GJD4: variants seen among roughly 807,000 people sequenced by gnomAD.
GJD4 encodes the protein gap junction protein delta 4, also known as gap junction delta-4 protein.
GJD4 carries 18 observed loss-of-function variants against 17.9 expected under a neutral mutation model. The ratio of observed to expected loss-of-function variants is 1.00; its 90% CI spans 0.69 to 1.49. The LOEUF is 1.49. GJD4 is among the 40% of genes most tolerant of loss of function. GJD4 has a pLI of 0.00. For synonymous variants in GJD4, 293 were observed against 236.8 expected (o/e 1.24, Z -2.18); for missense variants, 639 against 506.9 (o/e 1.26, Z -2.50).
intron 1 of GJD4, chr10:35,606,952 C>T (rs989215160): frequency 1.3e-5 from 2 of 152,160 alleles, no homozygotes; most frequent in Non-Finnish European, 2.9e-5. Context: ...TAAATACAAG[C>T]CCTGTGATTA....
At chr10:35,607,436 G>A (rs1835468889) in intron 1 of GJD4, 142 bp from the exon 2 acceptor site, 1 of 664,032 alleles carries the variant, frequency 1.5e-6, no homozygotes, top group South Asian at 1.9e-5. Flanking sequence ...CAACAACAAC[G>A]ACAACACAAA....
Position 35,605,588 on chromosome 10 carries a change from AGG to A in GJD4, c.23_24del (p.Gly8ValfsTer244), listed in dbSNP as rs1234282763. 2.0e-5 allele frequency: 32 copies of A among 1,613,860 alleles called. No individual in the cohort carries two copies. In the African/African-American group the frequency reaches 3.6e-4, roughly 18 times the overall value. MEGVDLL[G>X]FLIITLNCNV... ...GAAGCATGGAAGGCGTGGACTTGCTAGGGTTTCTCATCATCACATTAAACTGC... is the reference window on the plus strand; with the variant it reads ...GAAGCATGGAAGGCGTGGACTTGCTAGTTTCTCATCATCACATTAAACTGC... On this transcript the variant is annotated frameshift_variant, in exon 1 of 2. Transcript: ENST00000321660. LOFTEE classifies it low-confidence loss of function (END_TRUNC).
downstream of GJD4, chr10:35,608,935 CAAA>C (rs3067572): frequency 3.0e-3 from 174 of 58,444 alleles, no homozygotes; most frequent in African/African-American, 7.7e-3. Flanking sequence ...GAGACCCTGT[CAAA>C]AAAAAAAAAA....
At position 35,608,058 on chromosome 10, in the gene GJD4, G is replaced by T; in HGVS notation, c.545G>T (p.Gly182Val). 1 of 1,610,244 alleles carries T rather than the reference G, an allele frequency of 6.2e-7. No individual in the cohort carries two copies. The change falls in exon 2 of 2, where the codon GGC becomes GTC. Residue 182 changes from glycine to valine, a missense_variant. Physicochemically the swap from Gly to Val is moderately radical, Grantham distance 109. Transcript: ENST00000321660. ...CCTTGCACGCGCCCTCCGTGCACGG[G>T]CGTGGTGGACTGCTACGTGTCGCGG... ...KFPCTRPPCT[G>V]VVDCYVSRPT...
chr10:35,607,376 A>G (rs993062102), intron 1 of GJD4: 11 of 586,190 alleles, frequency 1.9e-5, no homozygotes, highest in African/African-American at 3.7e-5. Context: ...ACTTGAGGCC[A>G]GGAGTTCAAG....
intron 1 of GJD4, 136 bp from the exon 2 acceptor site, chr10:35,607,442 A>G: frequency 3.0e-6 from 2 of 674,162 alleles, no homozygotes; most frequent in Non-Finnish European, 5.1e-6. Context: ...CAACGACAAC[A>G]CAAACAAACA....
rs758614704 is a variant in GJD4, at chr10:35,608,630, AAAC to A, written c.*6_*8del. 6.8e-7 allele frequency: 1 copy of A among 1,478,950 alleles called. No homozygotes were observed. Among genetic ancestry groups the A allele is most frequent in the Admixed American group, 2.6e-5 (1 of 37,860 alleles). 91.6% of individuals were successfully genotyped at this position (1,478,950 alleles called of 1,614,324 possible). A position where few individuals can be genotyped will look rare whatever the true frequency, so the allele number is the denominator to read the frequency against. ...CAGGAAGTCTGAGTGGGTGTGAAAA[AAAC>A]AGCACCTGGCGGTGCCCCGGGGCTC... On this transcript the variant is annotated 3_prime_UTR_variant, in exon 2 of 2. Coordinates refer to ENST00000321660, the MANE Select transcript of GJD4 (RefSeq NM_153368.3).
In GJD4 at chr10:35,608,801, A is replaced by C. The variant is rs1002046905; in HGVS notation, c.*175A>C. On this transcript the variant is annotated 3_prime_UTR_variant, in exon 2 of 2. Coordinates refer to ENST00000321660, the MANE Select transcript of GJD4 (RefSeq NM_153368.3). ...AAATATCTAAAAATTAGCTGGGCAC[A>C]GTGGCTCCCTCCTGTAGTCCCAGCT... The C allele has an allele frequency of 5.7e-6, 3 of 524,740 alleles. No individual in the cohort carries two copies. Among genetic ancestry groups the C allele is most frequent in the Middle Eastern group, 4.8e-4 (1 of 2,068 alleles). 32.5% of individuals were successfully genotyped at this position (524,740 alleles called of 1,614,324 possible). A position where few individuals can be genotyped will look rare whatever the true frequency, so the allele number is the denominator to read the frequency against.
chr10:35,607,485 T>C, intron 1 of GJD4, 93 bp from the exon 2 acceptor site: 2 of 801,866 alleles, frequency 2.5e-6, no homozygotes, highest in South Asian at 1.7e-5. Context: ...GACGTTTCAA[T>C]TTCCCAATCT....
In GJD4 at chr10:35,606,613, CTTTG is replaced by C. The variant is rs1422638282; in HGVS notation, c.65-960_65-957del. 3.3e-5 allele frequency: 5 copies of C among 152,064 alleles called. No homozygotes were observed. The East Asian group carries it at 5.8e-4, about 18-fold the overall frequency. 9.4% of individuals were successfully genotyped at this position (152,064 alleles called of 1,614,324 possible). On this transcript the variant is annotated intron_variant, in intron 1 of 1. Transcript: ENST00000321660. The stretch of plus-strand genomic sequence containing the variant: ...TGACTCATCACATAATGATATTATT[CTTTG>C]TTTGACTGTCTTTACATATTTATTT...
In GJD4 at chr10:35,607,639, A is replaced by G; in HGVS notation, c.126A>G (p.Arg42=). 1 of 1,614,066 alleles carries G rather than the reference A, an allele frequency of 6.2e-7. No individual in the cohort carries two copies. The highest frequency in any genetic ancestry group is 8.5e-7 in the Non-Finnish European group (1 of 1,180,006). ...TGCTGGTGATTGTCTTGGCGGGGCG[A>G]CCCGTCTACCAGGACGAGCAGGAGA... The part of the protein sequence containing the change: ...LRMLVIVLAG[R]PVYQDEQERF... Residue 42 remains arginine, a synonymous_variant, in exon 2 of 2, where the codon CGA becomes CGG. Coordinates refer to ENST00000321660, the MANE Select transcript of GJD4 (RefSeq NM_153368.3).
chr10:35,608,047 T>C lies in GJD4; in HGVS notation c.534T>C (p.Pro178=), dbSNP rs1464021739. 6.2e-7 allele frequency: 1 copy of C among 1,609,980 alleles called. No homozygotes were observed. Among genetic ancestry groups the C allele is most frequent in the Non-Finnish European group, 8.5e-7 (1 of 1,178,714 alleles). The change falls in exon 2 of 2, where the codon CCT becomes CCC. Residue 178 remains proline (P), a synonymous_variant. Coordinates refer to ENST00000321660, the MANE Select transcript of GJD4 (RefSeq NM_153368.3). The stretch of plus-strand genomic sequence containing the variant: ...CGAAGAAGTTCCCTTGCACGCGCCC[T>C]CCGTGCACGGGCGTGGTGGACTGCT... ...LAPKKFPCTR[P]PCTGVVDCYV...
At chr10:35,607,374 C>A in intron 1 of GJD4, 1 of 584,556 alleles carries the variant, frequency 1.7e-6, no homozygotes, top group Non-Finnish European at 3.0e-6. Flanking sequence ...GCACTTGAGG[C>A]CAGGAGTTCA....
chr10:35,608,082 G>A lies in GJD4; in HGVS notation c.569G>A (p.Arg190Gln), dbSNP rs148604965. ...CTGVVDCYVS[R>Q]PTEKSLLMLF... ...GGCGTGGTGGACTGCTACGTGTCGC[G>A]GCCCACAGAGAAGTCCCTGCTGATG... The change falls in exon 2 of 2, where the codon CGG (arginine) becomes CAG (glutamine). Residue 190 changes from arginine (R) to glutamine (Q), a missense_variant. Physicochemically the swap from Arg to Gln is conservative, Grantham distance 43 (BLOSUM62 1). Transcript: ENST00000321660. The A allele has an allele frequency of 3.1e-6, 5 of 1,608,124 alleles. No homozygotes were observed. The highest frequency in any genetic ancestry group is 4.2e-6 in the Non-Finnish European group (5 of 1,177,526).
intron 1 of GJD4, 101 bp from the exon 2 acceptor site, chr10:35,607,477 C>A: frequency 2.7e-6 from 2 of 737,934 alleles, no homozygotes. Context: ...TGCTTATTGA[C>A]GTTTCAATTT....
chr10:35,608,480 AG>A lies in GJD4; in HGVS notation c.971del (p.Gly324AlafsTer39), dbSNP rs1835494042. The A allele has an allele frequency of 6.5e-7, 1 of 1,548,876 alleles. No homozygotes were observed. Among genetic ancestry groups the A allele is most frequent in the African/African-American group, 1.4e-5 (1 of 72,856 alleles). On this transcript the variant is annotated frameshift_variant, in exon 2 of 2. Transcript: ENST00000321660. LOFTEE classifies it high-confidence loss of function. ...RPHREAAQDP[R>X]GSGSEEQPSA... ...CCACCGAGAGGCCGCCCAGGACCCCAGGGGCTCAGGATCCGAGGAGCAGCCC... is the reference window on the plus strand; with the variant it reads ...CCACCGAGAGGCCGCCCAGGACCCCAGGGCTCAGGATCCGAGGAGCAGCCC...
Position 35,607,726 on chromosome 10 carries a change from CGT to C in GJD4, c.216_217del (p.His74ProfsTer178). ...ANVCYDVFSP[V>X]SHLRFWLIQG... ...ATGTTTGCTACGACGTCTTCTCCCCCGTGTCTCACCTGCGGTTCTGGCTGATC... is the reference window on the plus strand; with the variant it reads ...ATGTTTGCTACGACGTCTTCTCCCCCGTCTCACCTGCGGTTCTGGCTGATC... On this transcript the variant is annotated frameshift_variant, in exon 2 of 2. Transcript: ENST00000321660. LOFTEE classifies it high-confidence loss of function. The C allele has an allele frequency of 6.2e-7, 1 of 1,613,856 alleles. No homozygotes were observed. The highest frequency in any genetic ancestry group is 1.1e-5 in the South Asian group (1 of 91,090).
chr10:35,608,334 G>C lies in GJD4; in HGVS notation c.821G>C (p.Gly274Ala). 3 of 1,550,004 alleles carry C rather than the reference G, an allele frequency of 1.9e-6. No individual in the cohort carries two copies. Among genetic ancestry groups the C allele is most frequent in the Non-Finnish European group, 2.6e-6 (3 of 1,148,208 alleles). The part of the protein sequence containing the change: ...APPGARAGGE[G>A]AGSPRRTSRV... ...CCGGGTGCACGCGCCGGAGGGGAGG[G>C]GGCTGGCAGCCCCAGGCGTACATCC... Residue 274 changes from glycine (G) to alanine (A), a missense_variant, in exon 2 of 2, where the codon GGG becomes GCG. Coordinates refer to ENST00000321660, the MANE Select transcript of GJD4 (RefSeq NM_153368.3).
At position 35,605,561 on chromosome 10, in the gene GJD4, T is replaced by C; in HGVS notation, c.-7T>C. The C allele has an allele frequency of 6.2e-7, 1 of 1,613,346 alleles. No individual in the cohort carries two copies. On this transcript the variant is annotated 5_prime_UTR_variant, in exon 1 of 2. Coordinates refer to ENST00000321660, the MANE Select transcript of GJD4 (RefSeq NM_153368.3). Reference sequence around the variant, plus strand: ...CTGCAGCCTGGAGCCTGGGACATTCTGGAAGCATGGAAGGCGTGGACTTGC... The same window carrying C: ...CTGCAGCCTGGAGCCTGGGACATTCCGGAAGCATGGAAGGCGTGGACTTGC...
Sources: allele counts gnomAD v4.1 joint callset, GRCh38; gene constraint gnomAD v4.1.1; transcripts MANE v1.5; gene names NCBI Gene and HGNC (gene_info 2026-07-23, HGNC 2026-07-21).